The following MALSU1 variants were observed in gnomAD, a reference collection of about 807,000 sequenced individuals.
MALSU1 encodes mitochondrial assembly of ribosomal large subunit 1.
Under a neutral mutation model 22.1 loss-of-function variants are expected in MALSU1, and 22 were observed. The ratio of observed to expected loss-of-function variants is 1.00; its 90% CI spans 0.71 to 1.42. MALSU1 has a LOEUF of 1.42. Ranked by LOEUF, MALSU1 falls within the 40% of genes most tolerant of loss-of-function variation. MALSU1 has a pLI of 0.00. For missense variants in MALSU1, 379 were observed against 308.3 expected (o/e 1.23, Z -1.72); for synonymous variants, 153 against 118.5 (o/e 1.29, Z -1.89).
chr7:23,300,714 T>C (rs1293290353), intron 1 of MALSU1, 125 bp from the exon 2 acceptor site: 1 of 784,668 alleles, frequency 1.3e-6, no homozygotes, highest in African/African-American at 1.7e-5. Context: ...TTTACCCTGC[T>C]ATCTGTAAAA....
rs1783802569 is a variant in MALSU1 at position 23,310,713 on chromosome 7, TCAAAATGTCTAA to T, written c.*1171_*1182del. 6.6e-6 allele frequency: 1 copy of T among 152,236 alleles called. No homozygotes were observed. The highest frequency in any genetic ancestry group is 1.5e-5 in the Non-Finnish European group (1 of 68,044). The allele number at this position is 152,236 out of a possible 1,614,324, so 9.4% of individuals were successfully genotyped here. ...TTAAGGAAAACACTTTAAATCATTT[TCAAAATGTCTAA>T]TTGATCTTCAGAAAAACATCTAGTC... On this transcript the variant is annotated 3_prime_UTR_variant, in exon 4 of 4. Transcript: ENST00000466681.
At chr7:23,307,782 A>T in intron 2 of MALSU1, 86 bp from the exon 3 acceptor site, 1 of 825,428 alleles carries the variant, frequency 1.2e-6, no homozygotes, top group Non-Finnish European at 2.0e-6. Context: ...AAAAAAACAA[A>T]CAAACAAACA....
chr7:23,307,627 G>T (rs1035966695), intron 2 of MALSU1: 2 of 401,236 alleles, frequency 5.0e-6, no homozygotes, highest in Non-Finnish European at 8.9e-6. Context: ...CTTGGTGAAT[G>T]AATGGGGTGA....
chr7:23,301,041 T>C (rs761906407), intron 2 of MALSU1, 24 bp downstream of exon 2: 1 of 1,598,664 alleles, frequency 6.3e-7, no homozygotes, highest in Non-Finnish European at 8.5e-7. Flanking sequence ...TTTTCTCTTT[T>C]GGACCATTAA....
At chr7:23,309,139 G>A (rs1020393902) in intron 3 of MALSU1, among the ~76,000 whole-genome samples, 3 of 152,200 alleles carry the variant, frequency 2.0e-5, no homozygotes, top group African/African-American at 7.2e-5. Flanking sequence ...CACCAGCAAT[G>A]TTATATATTG....
chr7:23,303,031 G>A (rs1783669515), intron 2 of MALSU1, among the ~76,000 whole-genome samples: 1 of 152,072 alleles, frequency 6.6e-6, no homozygotes, highest in Non-Finnish European at 1.5e-5. Flanking sequence ...CAAAGTGCTG[G>A]GATTACAGGC....
Position 23,305,488 on chromosome 7 carries a change from GCCTC to G in MALSU1, c.436-2379_436-2376del, listed in dbSNP as rs566149025. ...GCTCACAGATTCAAGCAATTCTCCT[GCCTC>G]AGCCTCCCAAGTAGCTGAGGTTACA... On this transcript the variant is annotated intron_variant, in intron 2 of 3. Transcript: ENST00000466681. Among the ~76,000 whole-genome samples, 18 of 150,942 alleles carry G rather than the reference GCCTC, an allele frequency of 1.2e-4. 1 individual carries two copies. The East Asian group carries it at 3.5e-3, about 29-fold the overall frequency.
Position 23,311,117 on chromosome 7 carries a change from T to G in MALSU1, c.*1574T>G, listed in dbSNP as rs1783815525. 6.6e-6 allele frequency: 1 copy of G among 152,122 alleles called. No homozygotes were observed. The highest frequency in any genetic ancestry group is 6.5e-5 in the Admixed American group (1 of 15,272). 9.4% of individuals were successfully genotyped at this position (152,122 alleles called of 1,614,324 possible). ...TTACTACTTAAGGTGGAGTCTAATT[T>G]TTTTTTTTTAATTTATCAGTGCTTA... is the stretch of plus-strand genomic sequence containing the variant. On this transcript the variant is annotated 3_prime_UTR_variant, in exon 4 of 4. Transcript: ENST00000466681.
chr7:23,304,932 T>C lies in MALSU1; in HGVS notation c.436-2936T>C, dbSNP rs150776639. On this transcript the variant is annotated intron_variant, in intron 2 of 3. Transcript: ENST00000466681. ...CTTTGATGCACGAAAGTATTTAATT[T>C]TGGTGAAGTTCAGTTTATTTTTTCT... is the stretch of plus-strand genomic sequence containing the variant. 2.8e-3 allele frequency among the ~76,000 whole-genome samples: 432 copies of C among 152,322 alleles called. 1 individual carries two copies. The highest frequency in any genetic ancestry group is 4.5e-3 in the Non-Finnish European group (309 of 68,028).
chr7:23,299,944 C>G (rs1219441978), intron 1 of MALSU1, among the ~76,000 whole-genome samples: 1 of 152,074 alleles, frequency 6.6e-6, no homozygotes, highest in Admixed American at 6.6e-5. Flanking sequence ...CTTGAGGATT[C>G]TGAGGAGCCA....
At chr7:23,307,791 C>CAA in intron 2 of MALSU1, 77 bp from the exon 3 acceptor site, 6 of 763,178 alleles carry the variant, frequency 7.9e-6, no homozygotes, top group Non-Finnish European at 1.3e-5. Context: ...AACAAACAAA[C>CAA]AAAAAAAAAA....
rs371338582 is a variant in MALSU1, at chr7:23,307,710, G to A, written c.436-158G>A. On this transcript the variant is annotated intron_variant, in intron 2 of 3. Transcript: ENST00000466681. The stretch of plus-strand genomic sequence containing the variant: ...TGAATAAGATTTAGAGGGAGAAATA[G>A]TTTCCCTAAGTTATTCATCACAGGG... 25 of 568,336 alleles carry A rather than the reference G, an allele frequency of 4.4e-5. 1 individual carries two copies. The South Asian group carries it at 5.9e-4, about 13-fold the overall frequency. The allele number at this position is 568,336 out of a possible 1,614,324, so 35.2% of individuals were successfully genotyped here. A position where few individuals can be genotyped will look rare whatever the true frequency, so the allele number is the denominator to read the frequency against.
chr7:23,308,670 C>T (rs969817922), intron 3 of MALSU1, among the ~76,000 whole-genome samples: 3 of 152,174 alleles, frequency 2.0e-5, no homozygotes, highest in South Asian at 2.1e-4. Context: ...GGCCAGATGA[C>T]ACCAGCACAC....
rs1485123677 is a variant in MALSU1 at position 23,310,937 on chromosome 7, T to C, written c.*1394T>C. 3 of 152,172 alleles carry C rather than the reference T, an allele frequency of 2.0e-5. No individual in the cohort carries two copies. Among genetic ancestry groups the C allele is most frequent in the Non-Finnish European group, 4.4e-5 (3 of 68,028 alleles). 9.4% of individuals were successfully genotyped at this position (152,172 alleles called of 1,614,324 possible). Reference sequence around the variant, plus strand: ...CCAACACAATTGTACGTACTGGGCTTTGCTGTCAAGGAGTGAGCAAATGAG... The same window carrying C: ...CCAACACAATTGTACGTACTGGGCTCTGCTGTCAAGGAGTGAGCAAATGAG... On this transcript the variant is annotated 3_prime_UTR_variant, in exon 4 of 4. Transcript: ENST00000466681.
At chr7:23,307,076 C>T (rs1783731989) in intron 2 of MALSU1, among the ~76,000 whole-genome samples, 1 of 152,160 alleles carries the variant, frequency 6.6e-6, no homozygotes, top group Admixed American at 6.5e-5. Flanking sequence ...TATATTTCTG[C>T]ATGATTCAGT....
chr7:23,309,587 T>A lies in MALSU1; in HGVS notation c.*44T>A. ...TTAGTCATTTCAGATTTGGATTGAG[T>A]CACTTATTGGAAAATACAGCTCCTA... On this transcript the variant is annotated 3_prime_UTR_variant, in exon 4 of 4. Transcript: ENST00000466681. 6.8e-7 allele frequency: 1 copy of A among 1,479,580 alleles called. No individual in the cohort carries two copies. Among genetic ancestry groups the A allele is most frequent in the Non-Finnish European group, 9.1e-7 (1 of 1,098,604 alleles). The allele number at this position is 1,479,580 out of a possible 1,614,324, so 91.7% of individuals were successfully genotyped here. A position where few individuals can be genotyped will look rare whatever the true frequency, so the allele number is the denominator to read the frequency against.
At chr7:23,304,287 C>G (rs1027101066) in intron 2 of MALSU1, among the ~76,000 whole-genome samples, 1 of 152,062 alleles carries the variant, frequency 6.6e-6, no homozygotes, top group African/African-American at 2.4e-5. Context: ...AGTGGCTACA[C>G]CACTTTACAT....
intron 2 of MALSU1, 78 bp from the exon 3 acceptor site, chr7:23,307,790 A>C: frequency 2.3e-6 from 2 of 869,354 alleles, no homozygotes. Flanking sequence ...AAACAAACAA[A>C]CAAAAAAAAA....
At chr7:23,300,715 A>C (rs1455249794) in intron 1 of MALSU1, 124 bp from the exon 2 acceptor site, 7 of 788,424 alleles carry the variant, frequency 8.9e-6, no homozygotes, top group South Asian at 3.3e-5. Context: ...TTACCCTGCT[A>C]TCTGTAAAAA....
Sources: allele counts gnomAD v4.1 joint callset (sites outside exome capture counted in the v4.1 genomes callset), GRCh38; gene constraint gnomAD v4.1.1; transcripts MANE v1.5; gene names NCBI Gene and HGNC (gene_info 2026-07-23, HGNC 2026-07-21).